The following CCHCR1 variants were observed in gnomAD, a reference collection of about 807,000 sequenced individuals.
CCHCR1 encodes coiled-coil alpha-helical rod protein 1.
In CCHCR1, 91 loss-of-function variants were observed where a neutral mutation model predicts 114.6. The ratio of observed to expected loss-of-function variants is 0.79; its 90% CI spans 0.67 to 0.94. The LOEUF (loss-of-function observed/expected upper bound fraction) is 0.94. CCHCR1 is among the 40% of genes least tolerant of loss of function. The pLI, the probability that CCHCR1 is intolerant of heterozygous loss-of-function variation, is 0.00. For missense variants in CCHCR1, 899 were observed against 1,079.9 expected (o/e 0.83, Z 2.35); for synonymous variants, 379 against 428.5 (o/e 0.88, Z 1.43).
In CCHCR1 at chr6:31,145,208, C is replaced by T. The variant is rs1774147360; in HGVS notation, c.1834G>A (p.Ala612Thr). The change falls in exon 13 of 18, where the codon GCC becomes ACC. Residue 612 changes from alanine (A) to threonine (T), a missense_variant. Transcript: ENST00000396268. ...CCCACCTCCTGCTGGATGAGGCGGG[C>T]ACTCAGCTGCAGTTCTGCATCCAGG... ...NRLDAELQLS[A>T]RLIQQEVGRA... 6.2e-7 allele frequency: 1 copy of T among 1,613,286 alleles called. No homozygotes were observed. The highest frequency in any genetic ancestry group is 8.5e-7 in the Non-Finnish European group (1 of 1,180,040).
chr6:31,146,112 G>A (rs1287311422), intron 10 of CCHCR1, among the ~76,000 whole-genome samples: 5 of 152,156 alleles, frequency 3.3e-5, no homozygotes, highest in South Asian at 2.1e-4. Flanking sequence ...TTGGGAGGCC[G>A]AGGCGGGCGG....
intron 10 of CCHCR1, among the ~76,000 whole-genome samples, chr6:31,148,129 G>A (rs9263759): frequency 2.0e-4 from 31 of 152,268 alleles, no homozygotes; most frequent in Non-Finnish European, 3.7e-4. Context: ...TTTAGCTCAA[G>A]CCATTACTAG....
chr6:31,145,027 C>G lies in CCHCR1; in HGVS notation c.1923G>C (p.Glu641Asp), dbSNP rs193084124. Reference protein sequence around the residue: ...QQLSKVAQQLEQELQQTQESL... With the variant: ...QQLSKVAQQLDQELQQTQESL... Reference sequence around the variant, plus strand: ...ACTCCTGGGTCTGCTGCAGCTCCTGCTCCAGCTGCTGGGCCACCTTGCTCA... The same window carrying G: ...ACTCCTGGGTCTGCTGCAGCTCCTGGTCCAGCTGCTGGGCCACCTTGCTCA... Residue 641 changes from glutamate to aspartate, a missense_variant, in exon 14 of 18, where the codon GAG becomes GAC. By Grantham distance (45) the Glu-to-Asp change is conservative. Coordinates refer to ENST00000396268, the MANE Select transcript of CCHCR1 (RefSeq NM_001105564.2). 1.2e-6 allele frequency: 2 copies of G among 1,604,610 alleles called. No individual in the cohort carries two copies. The highest frequency in any genetic ancestry group is 4.5e-5 in the East Asian group (2 of 44,868).
rs1235013589 is a variant in CCHCR1 at position 31,154,463 on chromosome 6, A to T, written c.801+33T>A. 9 of 1,564,414 alleles carry T rather than the reference A, an allele frequency of 5.8e-6. No individual in the cohort carries two copies. Among genetic ancestry groups the T allele is most frequent in the Non-Finnish European group, 7.9e-6 (9 of 1,140,724 alleles). On this transcript the variant is annotated intron_variant, in intron 4 of 17. Coordinates refer to ENST00000396268, the MANE Select transcript of CCHCR1 (RefSeq NM_001105564.2). The surrounding 1 kb of genome is among the most constrained non-coding windows in gnomAD (Gnocchi z 4.1). ...GGAAGCTACTGCCCAGCTCTCCGTT[A>T]TGAATTTGAATCCTTTCTACCCCTG...
At position 31,154,491 on chromosome 6, in the gene CCHCR1, T is replaced by C; in HGVS notation, c.801+5A>G. 6.2e-7 allele frequency: 1 copy of C among 1,604,284 alleles called. No individual in the cohort carries two copies. The highest frequency in any genetic ancestry group is 8.5e-7 in the Non-Finnish European group (1 of 1,172,644). The stretch of plus-strand genomic sequence containing the variant: ...AATTTGAATCCTTTCTACCCCTGCA[T>C]TCACCTGCTCTTGGTGCAGCCTCTG... On this transcript the variant is annotated splice_donor_5th_base_variant and intron_variant, in intron 4 of 17. Coordinates refer to ENST00000396268, the MANE Select transcript of CCHCR1 (RefSeq NM_001105564.2). The surrounding 1 kb of genome is among the most constrained non-coding windows in gnomAD (Gnocchi z 4.1).
At chr6:31,147,724 T>C (rs1202788663) in intron 10 of CCHCR1, among the ~76,000 whole-genome samples, 1 of 152,176 alleles carries the variant, frequency 6.6e-6, no homozygotes, top group Non-Finnish European at 1.5e-5. Flanking sequence ...TCCAGCACTT[T>C]GGGAGGCTGA....
intron 1 of CCHCR1, 72 bp downstream of exon 1, chr6:31,157,313 A>T: frequency 7.5e-7 from 1 of 1,333,158 alleles, no homozygotes; most frequent in Non-Finnish European, 1.1e-6. Flanking sequence ...GAGAGAATTT[A>T]CTGAAAGAGA....
chr6:31,142,743 C>A, intron 17 of CCHCR1, 27 bp from the exon 18 acceptor site: 1 of 1,595,868 alleles, frequency 6.3e-7, no homozygotes, highest in Admixed American at 1.7e-5. Context: ...CAGATGAGCA[C>A]CAGACAAGGG....
Position 31,143,147 on chromosome 6 carries a change from G to C in CCHCR1, c.2320-13C>G, listed in dbSNP as rs757898361. 11 of 1,612,540 alleles carry C rather than the reference G, an allele frequency of 6.8e-6. 1 individual carries two copies. The South Asian group carries it at 1.2e-4, about 18-fold the overall frequency. ...GCTGCAAGGTGGCCTGGGAAGGAGA[G>C]GGTTAAACCTAGCCCGGATAGAGCC... On this transcript the variant is annotated splice_polypyrimidine_tract_variant and intron_variant, in intron 16 of 17. Transcript: ENST00000396268. This position sits in a 1 kb window ranked among gnomAD's most constrained non-coding sequence, Gnocchi z 5.3.
Position 31,156,773 on chromosome 6 carries a change from C to G in CCHCR1, c.455G>C (p.Arg152Pro). 6.2e-7 allele frequency: 1 copy of G among 1,612,814 alleles called. No individual in the cohort carries two copies. Among genetic ancestry groups the G allele is most frequent in the Non-Finnish European group, 8.5e-7 (1 of 1,179,986 alleles). ...CTCCTGCCTGTCACTGGAAACATCC[C>G]GTTCCCACATGGTCACTTGAGGTCT... The part of the protein sequence containing the change: ...TQRPQVTMWE[R>P]DVSSDRQEPG... The change falls in exon 3 of 18, where the codon CGG becomes CCG. Residue 152 changes from arginine (R) to proline (P), a missense_variant. Coordinates refer to ENST00000396268, the MANE Select transcript of CCHCR1 (RefSeq NM_001105564.2).
chr6:31,154,628 C>G lies in CCHCR1; in HGVS notation c.669G>C (p.Arg223=). Residue 223 remains arginine, a synonymous_variant, in exon 4 of 18, where the codon CGG becomes CGC. Coordinates refer to ENST00000396268, the MANE Select transcript of CCHCR1 (RefSeq NM_001105564.2). The surrounding 1 kb of genome is among the most constrained non-coding windows in gnomAD (Gnocchi z 4.1). ...AQAMELEALA[R]AEKAGRAEAE... is the part of the protein sequence containing the mutation. Reference sequence around the variant, plus strand: ...CCTCAGCTCGGCCGGCCTTCTCCGCCCGTGCCAGAGCCTCTAGCTCCATGG... The same window carrying G: ...CCTCAGCTCGGCCGGCCTTCTCCGCGCGTGCCAGAGCCTCTAGCTCCATGG... The G allele has an allele frequency of 6.2e-7, 1 of 1,612,892 alleles. No individual in the cohort carries two copies. The highest frequency in any genetic ancestry group is 8.5e-7 in the Non-Finnish European group (1 of 1,180,038).
chr6:31,145,277 C>T lies in CCHCR1; in HGVS notation c.1765G>A (p.Asp589Asn). ...AACTGCTGCAACTCAAGGCTCACGT[C>T]TGTGACCGGTGGTGGTAGGGGACAG... is the stretch of plus-strand genomic sequence containing the variant. The part of the protein sequence containing the change: ...ESCPLPPPVT[D>N]VSLELQQLRE... Residue 589 changes from aspartate to asparagine, a missense_variant, in exon 13 of 18, where the codon GAC becomes AAC. By Grantham distance (23) the Asp-to-Asn change is conservative. Coordinates refer to ENST00000396268, the MANE Select transcript of CCHCR1 (RefSeq NM_001105564.2). 1 of 1,614,038 alleles carries T rather than the reference C, an allele frequency of 6.2e-7. No homozygotes were observed. The highest frequency in any genetic ancestry group is 8.5e-7 in the Non-Finnish European group (1 of 1,179,974).
chr6:31,147,574 G>A (rs1298353885), intron 10 of CCHCR1, among the ~76,000 whole-genome samples: 2 of 152,138 alleles, frequency 1.3e-5, no homozygotes, highest in Non-Finnish European at 2.9e-5. Context: ...GAGAGACAAA[G>A]GCTGGCAATT....
rs761198481 is a variant in CCHCR1 at position 31,150,667 on chromosome 6, C to T, written c.1101+58G>A. ...GCTCTACACGCTCCTCCAAGGGCCACGCTTGCCTCCCAACCTGATCCCTAA... is the reference window on the plus strand; with the variant it reads ...GCTCTACACGCTCCTCCAAGGGCCATGCTTGCCTCCCAACCTGATCCCTAA... On this transcript the variant is annotated intron_variant, in intron 6 of 17. Coordinates refer to ENST00000396268, the MANE Select transcript of CCHCR1 (RefSeq NM_001105564.2). The surrounding 1 kb of genome is among the most constrained non-coding windows in gnomAD (Gnocchi z 5.3). 41 of 1,599,192 alleles carry T rather than the reference C, an allele frequency of 2.6e-5. No individual in the cohort carries two copies. The highest frequency in any genetic ancestry group is 1.7e-4 in the Middle Eastern group (1 of 5,986).
chr6:31,143,151 T>A lies in CCHCR1; in HGVS notation c.2320-17A>T. On this transcript the variant is annotated splice_polypyrimidine_tract_variant and intron_variant, in intron 16 of 17. Transcript: ENST00000396268. This position sits in a 1 kb window ranked among gnomAD's most constrained non-coding sequence, Gnocchi z 5.3. ...CAAGGTGGCCTGGGAAGGAGAGGGT[T>A]AAACCTAGCCCGGATAGAGCCTCCC... The A allele has an allele frequency of 1.2e-6, 2 of 1,612,352 alleles. No homozygotes were observed. Among genetic ancestry groups the A allele is most frequent in the Non-Finnish European group, 8.5e-7 (1 of 1,179,722 alleles).
intron 2 of CCHCR1, 36 bp downstream of exon 2, chr6:31,156,987 A>C: frequency 6.2e-7 from 1 of 1,612,008 alleles, no homozygotes; most frequent in Non-Finnish European, 8.5e-7. Flanking sequence ...TCCCAGGCAG[A>C]GACAACCACC....
rs146797736 is a variant in CCHCR1 at position 31,145,739 on chromosome 6, G to A, written c.1650C>T (p.Asn550=). 235 of 1,613,478 alleles carry A rather than the reference G, an allele frequency of 1.5e-4. No homozygotes were observed. The highest frequency in any genetic ancestry group is 1.9e-4 in the Non-Finnish European group (223 of 1,180,016). ...EGAAAQLPSL[N]NRLSYAVRKV... is the part of the protein sequence containing the mutation. ...TGCGGACAGCATAGCTGAGTCGGTT[G>A]TTGAGGCTGGGAAGCTGGGCGGCAG... The change falls in exon 11 of 18, where the codon AAC becomes AAT. Residue 550 remains asparagine (N), a synonymous_variant. Transcript: ENST00000396268.
At chr6:31,146,087 T>G (rs1348985930) in intron 10 of CCHCR1, among the ~76,000 whole-genome samples, 1 of 152,206 alleles carries the variant, frequency 6.6e-6, no homozygotes, top group Non-Finnish European at 1.5e-5. Context: ...GGCTCCTGCC[T>G]GTAATCCCAG....
rs2151031717 is a variant in CCHCR1 at position 31,150,554 on chromosome 6, C to T, written c.1113G>A (p.Glu371=). ...CGGTGGCATGCAGGCTGTCCCGGTC[C>T]TCCTGCAAGTGCTGCGGGCAGAGGA... The part of the protein sequence containing the change: ...KLLETMQHLQ[E]DRDSLHATAE... Residue 371 remains glutamate, a synonymous_variant, in exon 7 of 18, where the codon GAG becomes GAA. Transcript: ENST00000396268. The surrounding 1 kb of genome is among the most constrained non-coding windows in gnomAD (Gnocchi z 5.3). The T allele has an allele frequency of 1.2e-6, 2 of 1,611,568 alleles. No individual in the cohort carries two copies. The highest frequency in any genetic ancestry group is 1.7e-6 in the Non-Finnish European group (2 of 1,179,596).
Sources: gnomAD v4.1 joint callset for allele counts (sites outside exome capture counted in the v4.1 genomes callset) on GRCh38, gnomAD v4.1.1 for gene constraint, Gnocchi (gnomAD v3.1) non-coding constraint, MANE v1.5 for transcripts, NCBI Gene and HGNC (gene_info 2026-07-23, HGNC 2026-07-21) for gene names.